The following TBCA variants were observed in gnomAD, a reference collection of about 807,000 sequenced individuals.
The protein encoded by TBCA is tubulin folding cofactor A.
TBCA carries 6 observed loss-of-function variants against 15.8 expected under a neutral mutation model. The ratio of observed to expected loss-of-function variants is 0.38; its 90% CI spans 0.21 to 0.75. The LOEUF is 0.75. Among genes scored for constraint, TBCA ranks in the 30% least tolerant of loss-of-function variants. The pLI, the probability that TBCA is intolerant of heterozygous loss-of-function variation, is 0.46. For synonymous variants in TBCA, 32 were observed against 42.3 expected (o/e 0.76, Z 0.94); for missense variants, 90 against 131.2 (o/e 0.69, Z 1.53).
intron 1 of TBCA, among the ~76,000 whole-genome samples, chr5:77,769,759 A>G (rs1001213310): frequency 6.6e-5 from 10 of 152,142 alleles, no homozygotes; most frequent in African/African-American, 2.2e-4. Flanking sequence ...ATGGTATGTC[A>G]GCTACATTTA....
chr5:77,727,647 A>G, intron 1 of TBCA, among the ~76,000 whole-genome samples: 1 of 152,214 alleles, frequency 6.6e-6, no homozygotes, highest in East Asian at 1.9e-4. Flanking sequence ...CCCCAGATTA[A>G]GAAACATAAA....
In TBCA at chr5:77,733,170, A is replaced by G. The variant is rs143834465; in HGVS notation, c.54-24823T>C. 5.4e-3 allele frequency among the ~76,000 whole-genome samples: 825 copies of G among 152,258 alleles called. 2 individuals are homozygous for G. Among genetic ancestry groups the G allele is most frequent in the African/African-American group, 0.019 (772 of 41,532 alleles). ...GTGGCACATGCCTGTAATCCCAGCT[A>G]CTCAGGAGGCTGAGGCAAGAGAATC... On this transcript the variant is annotated intron_variant, in intron 1 of 3. Coordinates refer to ENST00000380377, the MANE Select transcript of TBCA (RefSeq NM_004607.3).
chr5:77,756,973 A>G (rs1457976320), intron 1 of TBCA, among the ~76,000 whole-genome samples: 1 of 152,214 alleles, frequency 6.6e-6, no homozygotes, highest in Non-Finnish European at 1.5e-5. Flanking sequence ...GTAAGGAGCA[A>G]TAGAGTGTAA....
chr5:77,692,009 C>T (rs1745761966), intron 3 of TBCA: 2 of 985,124 alleles, frequency 2.0e-6, no homozygotes, highest in Non-Finnish European at 2.4e-6. Flanking sequence ...ACATACCCTA[C>T]ACTAAAGGAA....
intron 1 of TBCA, among the ~76,000 whole-genome samples, chr5:77,758,948 G>A (rs866417348): frequency 3.3e-5 from 5 of 152,202 alleles, no homozygotes; most frequent in East Asian, 1.9e-4. Flanking sequence ...TGTGACAACC[G>A]GGGACCATCA....
intron 1 of TBCA, among the ~76,000 whole-genome samples, chr5:77,746,869 T>C (rs1259001571): frequency 2.6e-5 from 4 of 152,164 alleles, no homozygotes; most frequent in East Asian, 1.9e-4. Flanking sequence ...CATTTACTTA[T>C]ATCATGCAGT....
chr5:77,723,205 T>A (rs528113693), intron 1 of TBCA, among the ~76,000 whole-genome samples: 1 of 151,998 alleles, frequency 6.6e-6, no homozygotes, highest in East Asian at 1.9e-4. Flanking sequence ...ACCTTAGATA[T>A]ACTAACTGAA....
chr5:77,744,540 T>TC (rs1285888694), intron 1 of TBCA, among the ~76,000 whole-genome samples: 1 of 137,876 alleles, frequency 7.3e-6, no homozygotes, highest in Non-Finnish European at 1.6e-5. Context: ...CCTTTTTTTT[T>TC]TTTTTTTTTT....
chr5:77,751,609 G>A (rs1331523433), intron 1 of TBCA, among the ~76,000 whole-genome samples: 2 of 152,060 alleles, frequency 1.3e-5, no homozygotes, highest in African/African-American at 4.8e-5. Flanking sequence ...TGTGGCCAGA[G>A]GCAACATCAA....
chr5:77,704,110 A>G (rs1026473254), intron 2 of TBCA, among the ~76,000 whole-genome samples: 2 of 152,026 alleles, frequency 1.3e-5, no homozygotes, highest in Non-Finnish European at 2.9e-5. Flanking sequence ...TTTTTTCTTT[A>G]TAAGTTACCC....
rs1011971562 is a variant in TBCA, at chr5:77,765,897, A to G, written c.53+10308T>C. Among the ~76,000 whole-genome samples the G allele has an allele frequency of 5.0e-4, 75 of 151,470 alleles. 1 individual carries two copies. The highest frequency in any genetic ancestry group is 1.5e-3 in the East Asian group (8 of 5,182). On this transcript the variant is annotated intron_variant, in intron 1 of 3. Transcript: ENST00000380377. The stretch of plus-strand genomic sequence containing the variant: ...AACTAGGGCCAAAAAAAAAAAAAAA[A>G]AAAGAAAACTAAACTACATATCCAT...
At chr5:77,707,268 A>T (rs1341674211) in intron 2 of TBCA, among the ~76,000 whole-genome samples, 1 of 152,166 alleles carries the variant, frequency 6.6e-6, no homozygotes, top group African/African-American at 2.4e-5. Flanking sequence ...AAAGTTCCCT[A>T]ACGGCCTCTA....
intron 1 of TBCA, among the ~76,000 whole-genome samples, chr5:77,731,327 T>A (rs1374403841): frequency 6.6e-6 from 1 of 152,188 alleles, no homozygotes; most frequent in Non-Finnish European, 1.5e-5. Flanking sequence ...TAAATTTGAA[T>A]CCTAGTTCCA....
chr5:77,738,638 G>A (rs374986124), intron 1 of TBCA, among the ~76,000 whole-genome samples: 26 of 152,176 alleles, frequency 1.7e-4, no homozygotes, highest in East Asian at 5.8e-4. Flanking sequence ...GCTGGAGTGT[G>A]GTGGTGCGAT....
intron 1 of TBCA, among the ~76,000 whole-genome samples, chr5:77,775,830 C>A (rs1035920388): frequency 6.6e-6 from 1 of 152,196 alleles, no homozygotes; most frequent in Admixed American, 6.5e-5. Flanking sequence ...CCCGCTTCCC[C>A]GGGCCAAGTT....
intron 2 of TBCA, among the ~76,000 whole-genome samples, chr5:77,697,083 TAA>T (rs1745889230): frequency 6.6e-6 from 1 of 152,142 alleles, no homozygotes; most frequent in Non-Finnish European, 1.5e-5. Context: ...CAACAGAGTT[TAA>T]AAATATGTAA....
chr5:77,747,537 T>G (rs1747215392), intron 1 of TBCA, among the ~76,000 whole-genome samples: 1 of 152,098 alleles, frequency 6.6e-6, no homozygotes, highest in Non-Finnish European at 1.5e-5. Flanking sequence ...ATCAAAAGCT[T>G]AGAAAACAAA....
chr5:77,704,000 C>T (rs948384046), intron 2 of TBCA, among the ~76,000 whole-genome samples: 4 of 152,094 alleles, frequency 2.6e-5, no homozygotes, highest in African/African-American at 4.8e-5. Context: ...TCTCTCCTGC[C>T]GCCTTGTGAA....
intron 1 of TBCA, among the ~76,000 whole-genome samples, chr5:77,746,874 T>C (rs1354382597): frequency 1.3e-5 from 2 of 152,266 alleles, no homozygotes; most frequent in East Asian, 1.9e-4. Flanking sequence ...ACTTATATCA[T>C]GCAGTTTCTT....
Sources: gnomAD v4.1 joint callset for allele counts (sites outside exome capture counted in the v4.1 genomes callset) on GRCh38, gnomAD v4.1.1 for gene constraint, MANE v1.5 for transcripts, NCBI Gene and HGNC (gene_info 2026-07-23, HGNC 2026-07-21) for gene names.